The following FUBP1 variants were observed in gnomAD, a reference collection of about 807,000 sequenced individuals.
The protein encoded by FUBP1 is far upstream element binding protein 1, also known as far upstream element-binding protein 1.
In FUBP1, 16 loss-of-function variants were observed where a neutral mutation model predicts 94.9. That is an observed-to-expected ratio of 0.17 (90% CI 0.11 to 0.26). The LOEUF is 0.26. Ranked by LOEUF, FUBP1 falls within the 10% of genes least tolerant of loss-of-function variation. The pLI is 1.00. For missense variants in FUBP1, 583 were observed against 808.6 expected (o/e 0.72, Z 3.38); for synonymous variants, 279 against 254.9 (o/e 1.09, Z -0.90).
At chr1:77,955,106 C>T in intron 18 of FUBP1, 149 bp downstream of exon 18, 1 of 550,820 alleles carries the variant, frequency 1.8e-6, no homozygotes, top group South Asian at 2.7e-5. Flanking sequence ...ATTTCCTTGC[C>T]ATATAACCAC....
chr1:77,978,354 C>A (rs1182328699), intron 1 of FUBP1, among the ~76,000 whole-genome samples: 1 of 152,196 alleles, frequency 6.6e-6, no homozygotes, highest in Non-Finnish European at 1.5e-5. Flanking sequence ...ACACGTAAAT[C>A]CCGCCCAGAA....
chr1:77,964,145 C>T lies in FUBP1; in HGVS notation c.958G>A (p.Glu320Lys), dbSNP rs774448594. Residue 320 changes from glutamate (E) to lysine (K), a missense_variant, in exon 12 of 20, where the codon GAA becomes AAA. Glu to Lys is a moderately conservative substitution (Grantham distance 56, BLOSUM62 1). Coordinates refer to ENST00000370768, the MANE Select transcript of FUBP1 (RefSeq NM_003902.5). ...QFKPDDGTTPERIAQITGPPD... is the reference protein window; with the variant it reads ...QFKPDDGTTPKRIAQITGPPD... Reference sequence around the variant, plus strand: ...GGTCCTGTTATTTGTGCTATCCTTTCGGGTGTTGTCCCATCATCTTCAAAA... The same window carrying T: ...GGTCCTGTTATTTGTGCTATCCTTTTGGGTGTTGTCCCATCATCTTCAAAA... 5 of 1,606,638 alleles carry T rather than the reference C, an allele frequency of 3.1e-6. No individual in the cohort carries two copies. Among genetic ancestry groups the T allele is most frequent in the East Asian group, 2.2e-5 (1 of 44,838 alleles).
Position 77,947,591 on chromosome 1 carries a change from T to C in FUBP1, c.*1175A>G. The C allele has an allele frequency of 8.0e-7, 1 of 1,244,486 alleles. No homozygotes were observed. Among genetic ancestry groups the C allele is most frequent in the Non-Finnish European group, 1.1e-6 (1 of 928,278 alleles). The allele number at this position is 1,244,486 out of a possible 1,614,324, so 77.1% of individuals were successfully genotyped here. On this transcript the variant is annotated 3_prime_UTR_variant, in exon 20 of 20. Coordinates refer to ENST00000370768, the MANE Select transcript of FUBP1 (RefSeq NM_003902.5). ...TGGCAAGACAGACTGTATTTGCATG[T>C]AGTCTAATATATTAATATGCAAAGA... is the stretch of plus-strand genomic sequence containing the variant.
intron 7 of FUBP1, among the ~76,000 whole-genome samples, chr1:77,965,448 AATTTTT>A (rs1383214381): frequency 1.2e-4 from 18 of 152,176 alleles, no homozygotes; most frequent in Non-Finnish European, 2.1e-4. Flanking sequence ...CTAGATATAC[AATTTTT>A]ATTTTTAAGA....
In FUBP1 at chr1:77,978,949, C is replaced by A. The variant is rs587778373; in HGVS notation, c.56G>T (p.Gly19Val). 1 of 1,613,658 alleles carries A rather than the reference C, an allele frequency of 6.2e-7. No individual in the cohort carries two copies. The highest frequency in any genetic ancestry group is 2.2e-5 in the East Asian group (1 of 44,872). Residue 19 changes from glycine to valine, a missense_variant, in exon 1 of 20, where the codon GGT becomes GTT. Physicochemically the swap from Gly to Val is moderately radical, Grantham distance 109. Coordinates refer to ENST00000370768, the MANE Select transcript of FUBP1 (RefSeq NM_003902.5). ...AACTCCTCCACCACCACCGCCGCCA[C>A]CACCGCCACCAGCTGAGCCAGAAGA... The part of the protein sequence containing the change: ...PPSSGSAGGG[G>V]GGGGGGGVND...
chr1:77,979,200 A>C (rs1029427649), upstream of FUBP1: 2 of 586,434 alleles, frequency 3.4e-6, no homozygotes, highest in Non-Finnish European at 6.0e-6. Context: ...AGGGCTGAGA[A>C]AGAACGACAG....
intron 14 of FUBP1, among the ~76,000 whole-genome samples, chr1:77,962,395 T>C (rs1164419632): frequency 6.6e-6 from 1 of 152,238 alleles, no homozygotes; most frequent in Non-Finnish European, 1.5e-5. Context: ...CAGATGTATC[T>C]GATTTATCTT....
intron 1 of FUBP1, among the ~76,000 whole-genome samples, chr1:77,974,739 T>G (rs1172221400): frequency 3.3e-5 from 5 of 152,238 alleles, no homozygotes; most frequent in African/African-American, 1.2e-4. Flanking sequence ...ATATATTGGA[T>G]TCAATACTAT....
In FUBP1 at chr1:77,964,764, T is replaced by G; in HGVS notation, c.736-17A>C. 2 of 1,573,730 alleles carry G rather than the reference T, an allele frequency of 1.3e-6. No individual in the cohort carries two copies. The highest frequency in any genetic ancestry group is 1.7e-6 in the Non-Finnish European group (2 of 1,143,248). On this transcript the variant is annotated splice_polypyrimidine_tract_variant and intron_variant, in intron 9 of 19. Transcript: ENST00000370768. ...CTTGGCTTGCTAAAGCAGAAAAAGT[T>G]AGCTAATTTAGAAAGCATGTCTCAA...
intron 18 of FUBP1, among the ~76,000 whole-genome samples, chr1:77,951,195 C>T (rs755402688): frequency 1.3e-5 from 2 of 152,204 alleles, no homozygotes; most frequent in South Asian, 4.1e-4. Context: ...GTAAGAGTTA[C>T]TCATTTTAGA....
rs1274127531 is a variant in FUBP1, at chr1:77,964,676, C to G, written c.807G>C (p.Gly269=). ...GGFREVRNEY[G]SRIGGNEGID... The stretch of plus-strand genomic sequence containing the variant: ...TCCCTTCATTTCCTCCTATTCTTGA[C>G]CCATACTCATTCCGAACTTCTCTGA... Residue 269 remains glycine (G), a synonymous_variant, in exon 10 of 20, where the codon GGG becomes GGC. Transcript: ENST00000370768. The G allele has an allele frequency of 1.2e-6, 2 of 1,605,840 alleles. No individual in the cohort carries two copies. The highest frequency in any genetic ancestry group is 1.7e-5 in the Admixed American group (1 of 59,998).
chr1:77,963,199 A>G (rs1348565987), intron 13 of FUBP1, among the ~76,000 whole-genome samples: 3 of 152,224 alleles, frequency 2.0e-5, no homozygotes, highest in Non-Finnish European at 4.4e-5. Flanking sequence ...ATTTGAATTA[A>G]CTGCTTTTAA....
intron 7 of FUBP1, 47 bp downstream of exon 7, chr1:77,966,647 T>G (rs755984322): frequency 1.1e-6 from 1 of 911,072 alleles, no homozygotes; most frequent in South Asian, 1.4e-5. Context: ...ATTCAAAGAG[T>G]TCTGCTGTTG....
At position 77,966,974 on chromosome 1, in the gene FUBP1, A is replaced by AT. The variant is rs5775434; in HGVS notation, c.344-20dup. The AT allele has an allele frequency of 1.0e-3, 1,483 of 1,453,146 alleles. 1 individual carries two copies. The highest frequency in any genetic ancestry group is 1.4e-3 in the Middle Eastern group (8 of 5,660). 90.0% of individuals were successfully genotyped at this position (1,453,146 alleles called of 1,614,324 possible). A position where few individuals can be genotyped will look rare whatever the true frequency, so the allele number is the denominator to read the frequency against. Reference sequence around the variant, plus strand: ...CCAATTACTAGTTAGAAAAAAAAAAATTTTTTTTTTGGTTGAAAGATTCTA... The same window carrying AT: ...CCAATTACTAGTTAGAAAAAAAAAAATTTTTTTTTTTGGTTGAAAGATTCTA... On this transcript the variant is annotated intron_variant, in intron 5 of 19. Transcript: ENST00000370768.
chr1:77,969,782 C>T lies in FUBP1; in HGVS notation c.211+143G>A, dbSNP rs551422234. ...CTTACCTTGTCTAGTTTTCTTTCCC[C>T]CCTTTTAGGCCAATATACAGCTTAC... On this transcript the variant is annotated intron_variant, in intron 2 of 19. Transcript: ENST00000370768. 1.7e-5 allele frequency: 7 copies of T among 412,724 alleles called. No individual in the cohort carries two copies. The East Asian group carries it at 2.6e-4, about 15-fold the overall frequency. 25.6% of individuals were successfully genotyped at this position (412,724 alleles called of 1,614,324 possible).
chr1:77,969,361 G>A (rs1055264051), intron 2 of FUBP1, among the ~76,000 whole-genome samples: 5 of 151,960 alleles, frequency 3.3e-5, no homozygotes, highest in East Asian at 3.9e-4. Context: ...CAACGATTAC[G>A]ATTTTTAAAA....
intron 16 of FUBP1, among the ~76,000 whole-genome samples, chr1:77,959,492 T>C (rs1646681709): frequency 6.6e-6 from 1 of 152,124 alleles, no homozygotes; most frequent in Admixed American, 6.5e-5. Context: ...AATGCCCCAA[T>C]ACTTAACACT....
At position 77,962,868 on chromosome 1, in the gene FUBP1, G is replaced by A. The variant is rs2102375778; in HGVS notation, c.1246C>T (p.Pro416Ser). Residue 416 changes from proline (P) to serine (S), a missense_variant, in exon 14 of 20, where the codon CCT becomes TCT. Pro to Ser is a moderately conservative substitution (Grantham distance 74). Coordinates refer to ENST00000370768, the MANE Select transcript of FUBP1 (RefSeq NM_003902.5). ...SGARIELQRN[P>S]PPNADPNMKL... ...ATATTAGGATCTGCATTTGGTGGAG[G>A]ATTTCTCTGAAGTTCTATTCTTGCA... 1.2e-6 allele frequency: 2 copies of A among 1,612,130 alleles called. No homozygotes were observed. The highest frequency in any genetic ancestry group is 1.7e-6 in the Non-Finnish European group (2 of 1,178,246).
chr1:77,962,732 G>A (rs368809602), intron 14 of FUBP1, 38 bp downstream of exon 14: 66 of 1,401,844 alleles, frequency 4.7e-5, no homozygotes, highest in Non-Finnish European at 6.3e-5. Context: ...ACAGTCTAAG[G>A]GTCTACACTA....
Sources: gnomAD v4.1 joint callset for allele counts (sites outside exome capture counted in the v4.1 genomes callset) on GRCh38, gnomAD v4.1.1 for gene constraint, MANE v1.5 for transcripts, NCBI Gene and HGNC (gene_info 2026-07-23, HGNC 2026-07-21) for gene names.